The following TRPA1 variants were observed in gnomAD, a reference collection of about 807,000 sequenced individuals.
The protein encoded by TRPA1 is ankyrin-like with transmembrane domains 1.
TRPA1 carries 129 observed loss-of-function variants against 131.3 expected under a neutral mutation model. That is an observed-to-expected ratio of 0.98 (90% CI 0.85 to 1.14). The LOEUF (loss-of-function observed/expected upper bound fraction) is 1.14, where lower values mean the gene tolerates loss of function less well. Among genes scored for constraint, TRPA1 ranks in the 50% most tolerant of loss-of-function variants. TRPA1 has a pLI of 0.00. For missense variants in TRPA1, 1,304 were observed against 1,354.2 expected (o/e 0.96, Z 0.58); for synonymous variants, 441 against 451.7 (o/e 0.98, Z 0.30).
chr8:72,042,458 A>G (rs1313375383), intron 17 of TRPA1, among the ~76,000 whole-genome samples: 3 of 151,876 alleles, frequency 2.0e-5, no homozygotes, highest in African/African-American at 7.2e-5. Flanking sequence ...TTTGTGCACT[A>G]TTGGTGGGAA....
chr8:72,024,792 A>C (rs114709687), intron 25 of TRPA1, among the ~76,000 whole-genome samples: 2 of 152,136 alleles, frequency 1.3e-5, no homozygotes, highest in Non-Finnish European at 2.9e-5. Context: ...GTTGCTGAGC[A>C]TTCTGTTTCG....
intron 1 of TRPA1, among the ~76,000 whole-genome samples, chr8:72,074,044 G>T (rs1029705061): frequency 6.6e-6 from 1 of 152,124 alleles, no homozygotes; most frequent in Non-Finnish European, 1.5e-5. Context: ...AGAGCAATTT[G>T]TCAATTTCTA....
Position 72,074,816 on chromosome 8 carries a change from G to T in TRPA1, c.111+483C>A, listed in dbSNP as rs16937981. Among the ~76,000 whole-genome samples the T allele has an allele frequency of 2.1e-3, 327 of 152,246 alleles. 3 individuals are homozygous for T. Among genetic ancestry groups the T allele is most frequent in the African/African-American group, 7.4e-3 (307 of 41,552 alleles). On this transcript the variant is annotated intron_variant, in intron 1 of 26. Coordinates refer to ENST00000262209, the MANE Select transcript of TRPA1 (RefSeq NM_007332.3). ...CTCCGTTTTATTGGGGACATTTTCT[G>T]CAACGCTCTAAGTGCAGACAATTGG...
upstream of TRPA1, among the ~76,000 whole-genome samples, chr8:72,079,192 C>T (rs1225648405): frequency 6.6e-6 from 1 of 151,836 alleles, no homozygotes; most frequent in African/African-American, 2.4e-5. Context: ...TGTTATTTCT[C>T]TTTATTTTCT....
At chr8:72,083,505 C>T in the TRPA1 span, among the ~76,000 whole-genome samples, 16,614 of 151,228 alleles carry the variant, frequency 0.11, 1,084 homozygotes, top group East Asian at 0.32. Context: ...GAGGCCGAGG[C>T]GGGTGGATCA....
chr8:72,039,835 T>C, intron 17 of TRPA1, 38 bp from the exon 18 acceptor site: 1 of 1,324,836 alleles, frequency 7.5e-7, no homozygotes, highest in Non-Finnish European at 1.1e-6. Context: ...AACACAATCA[T>C]AATCAACTAC....
intron 3 of TRPA1, 74 bp downstream of exon 3, chr8:72,068,949 G>T: frequency 1.3e-6 from 2 of 1,509,342 alleles, no homozygotes; most frequent in Non-Finnish European, 1.8e-6. Flanking sequence ...CCTGGTGCAA[G>T]CAGAGAGAGC....
At chr8:72,079,642 A>T (rs943696728), upstream of TRPA1, among the ~76,000 whole-genome samples, 13 of 151,900 alleles carry the variant, frequency 8.6e-5, no homozygotes, top group African/African-American at 3.1e-4. Flanking sequence ...GGGTAGTATG[A>T]TGGTTAATAT....
intron 25 of TRPA1, among the ~76,000 whole-genome samples, chr8:72,025,514 A>C (rs1811568834): frequency 6.6e-6 from 1 of 152,204 alleles, no homozygotes; most frequent in African/African-American, 2.4e-5. Flanking sequence ...ATGGATTAAT[A>C]CATTGTATGT....
intron 17 of TRPA1, among the ~76,000 whole-genome samples, chr8:72,044,264 C>A (rs1264030943): frequency 1.3e-5 from 2 of 150,180 alleles, no homozygotes; most frequent in African/African-American, 4.9e-5. Flanking sequence ...ATCTAAACTT[C>A]CACGTAGATT....
intron 3 of TRPA1, among the ~76,000 whole-genome samples, chr8:72,068,296 C>A (rs1186429892): frequency 6.6e-6 from 1 of 152,188 alleles, no homozygotes; most frequent in African/African-American, 2.4e-5. Flanking sequence ...AAATTGCATT[C>A]TTCATCCTTT....
At position 72,021,329 on chromosome 8, in the gene TRPA1, A is replaced by T. The variant is rs1811382121; in HGVS notation, c.*1577T>A. 2 of 152,184 alleles carry T rather than the reference A, an allele frequency of 1.3e-5. No individual in the cohort carries two copies. Among genetic ancestry groups the T allele is most frequent in the Non-Finnish European group, 1.5e-5 (1 of 68,022 alleles). The allele number at this position is 152,184 out of a possible 1,614,324, so 9.4% of individuals were successfully genotyped here. On this transcript the variant is annotated 3_prime_UTR_variant, in exon 27 of 27. Coordinates refer to ENST00000262209, the MANE Select transcript of TRPA1 (RefSeq NM_007332.3). ...TTCTCACATTCTTGGCACTCAGTGAATGTTGACTGAGATCTATATTGTGCA... is the reference window on the plus strand; with the variant it reads ...TTCTCACATTCTTGGCACTCAGTGATTGTTGACTGAGATCTATATTGTGCA...
chr8:72,072,122 T>G (rs1217544175), intron 1 of TRPA1, among the ~76,000 whole-genome samples: 4 of 152,202 alleles, frequency 2.6e-5, no homozygotes, highest in African/African-American at 9.6e-5. Flanking sequence ...ATAAAGGCCG[T>G]TCTTCCTCAT....
intron 24 of TRPA1, among the ~76,000 whole-genome samples, chr8:72,027,831 T>C (rs1171954403): frequency 6.6e-6 from 1 of 152,206 alleles, no homozygotes; most frequent in East Asian, 1.9e-4. Flanking sequence ...ATGCTGTTTT[T>C]GATCCAAAAC....
the TRPA1 span, among the ~76,000 whole-genome samples, chr8:72,083,658 G>A: frequency 1.3e-5 from 2 of 152,188 alleles, no homozygotes; most frequent in Non-Finnish European, 2.9e-5. Context: ...CAGGAGAATG[G>A]CATGAACCCT....
chr8:72,083,056 C>T, the TRPA1 span, among the ~76,000 whole-genome samples: 2 of 152,022 alleles, frequency 1.3e-5, no homozygotes, highest in South Asian at 2.1e-4. Context: ...TTCATTGTTT[C>T]CAAATCTGCT....
At chr8:72,072,399 A>G (rs924264862) in intron 1 of TRPA1, among the ~76,000 whole-genome samples, 3 of 152,244 alleles carry the variant, frequency 2.0e-5, no homozygotes, top group Non-Finnish European at 4.4e-5. Flanking sequence ...TTGGAATAAT[A>G]AAACTTAATT....
In TRPA1 at chr8:72,033,717, G is replaced by A; in HGVS notation, c.2795C>T (p.Ala932Val). 2 of 1,614,054 alleles carry A rather than the reference G, an allele frequency of 1.2e-6. No homozygotes were observed. Among genetic ancestry groups the A allele is most frequent in the African/African-American group, 1.3e-5 (1 of 75,042 alleles). The change falls in exon 23 of 27, where the codon GCA becomes GTA. Residue 932 changes from alanine to valine, a missense_variant. Transcript: ENST00000262209. ...TTGTGCAAAGGACAGAACTGGATGT[G>A]CCAATTCATTTCTCAGATATGGTTC... is the stretch of plus-strand genomic sequence containing the variant. ...FLEPYLRNELAHPVLSFAQLV... is the reference protein window; with the variant it reads ...FLEPYLRNELVHPVLSFAQLV...
intron 1 of TRPA1, among the ~76,000 whole-genome samples, chr8:72,074,413 A>G (rs543753076): frequency 1.3e-5 from 2 of 152,358 alleles, no homozygotes; most frequent in African/African-American, 4.8e-5. Context: ...ATCTATTAGC[A>G]TGTGTGTTTT....
Sources: gnomAD v4.1 joint callset for allele counts (sites outside exome capture counted in the v4.1 genomes callset) on GRCh38, gnomAD v4.1.1 for gene constraint, MANE v1.5 for transcripts, NCBI Gene and HGNC (gene_info 2026-07-23, HGNC 2026-07-21) for gene names.